The following VAMP7 variants were observed in gnomAD, a reference collection of about 807,000 sequenced individuals.
VAMP7 encodes the protein vesicle associated membrane protein 7.
In VAMP7, 14 loss-of-function variants were observed where a neutral mutation model predicts 29.6. The ratio of observed to expected loss-of-function variants is 0.47; its 90% CI spans 0.31 to 0.74. The LOEUF is 0.74. Ranked by LOEUF, VAMP7 falls within the 30% of genes least tolerant of loss-of-function variation. VAMP7 has a pLI of 0.05. For synonymous variants in VAMP7, 95 were observed against 88.1 expected, an observed-to-expected ratio of 1.08 and a Z score of -0.44; for missense variants, 223 against 262.4, an observed-to-expected ratio of 0.85 and a Z score of 1.04.
At chrX:155,909,995 T>C (rs2066213829) in intron 5 of VAMP7, among the ~76,000 whole-genome samples, 1 of 152,200 alleles carries the variant, frequency 6.6e-6, no homozygotes, top group East Asian at 1.9e-4. Context: ...TAATACACTA[T>C]TGTTAACTTT....
At chrX:155,938,864 A>G (rs370361088) in intron 6 of VAMP7, among the ~76,000 whole-genome samples, 12 of 152,146 alleles carry the variant, frequency 7.9e-5, no homozygotes, top group East Asian at 3.8e-4. Context: ...TCAAGTTTCT[A>G]TTGCTCAAAA....
At chrX:155,912,053 A>G (rs2066244930) in intron 5 of VAMP7, among the ~76,000 whole-genome samples, 1 of 152,026 alleles carries the variant, frequency 6.6e-6, no homozygotes, top group Non-Finnish European at 1.5e-5. Context: ...AGGAGTGGTG[A>G]GAGTTTTCCA....
chrX:155,938,423 G>A (rs2066694217), intron 6 of VAMP7, among the ~76,000 whole-genome samples: 1 of 152,146 alleles, frequency 6.6e-6, no homozygotes, highest in Non-Finnish European at 1.5e-5. Flanking sequence ...TGAATCTATG[G>A]TTAAGGGAGT....
chrX:155,899,797 A>G (rs2066036918), intron 4 of VAMP7, among the ~76,000 whole-genome samples: 1 of 152,070 alleles, frequency 6.6e-6, no homozygotes, highest in African/African-American at 2.4e-5. Flanking sequence ...TGACCTTCTG[A>G]ACAAAATCTC....
At chrX:155,926,996 A>C (rs1239321887) in intron 6 of VAMP7, among the ~76,000 whole-genome samples, 1 of 152,216 alleles carries the variant, frequency 6.6e-6, no homozygotes, top group South Asian at 2.1e-4. Flanking sequence ...ATGGCACCCG[A>C]AAACAATCAC....
chrX:155,899,429 G>A (rs1369961286), intron 4 of VAMP7, among the ~76,000 whole-genome samples: 1 of 151,780 alleles, frequency 6.6e-6, no homozygotes, highest in African/African-American at 2.4e-5. Flanking sequence ...GTATAAAGAC[G>A]TAAGCTCTAG....
At chrX:155,929,503 G>A (rs1462093060) in intron 6 of VAMP7, among the ~76,000 whole-genome samples, 2 of 152,066 alleles carry the variant, frequency 1.3e-5, no homozygotes, top group African/African-American at 2.4e-5. Flanking sequence ...CATGTCTTCT[G>A]GGCCTGATAA....
At chrX:155,913,377 T>C (rs2066265879) in intron 5 of VAMP7, among the ~76,000 whole-genome samples, 1 of 152,202 alleles carries the variant, frequency 6.6e-6, no homozygotes, top group South Asian at 2.1e-4. Flanking sequence ...TTTGCTTTAA[T>C]TAGATCCCAT....
chrX:155,934,071 G>T (rs1268464129), intron 6 of VAMP7, among the ~76,000 whole-genome samples: 2 of 152,180 alleles, frequency 1.3e-5, no homozygotes, highest in East Asian at 3.8e-4. Flanking sequence ...GAGACAGTTT[G>T]TTATAATTTC....
At chrX:155,926,206 G>C (rs370547160) in intron 6 of VAMP7, among the ~76,000 whole-genome samples, 61 of 152,280 alleles carry the variant, frequency 4.0e-4, no homozygotes, top group African/African-American at 1.4e-3. Flanking sequence ...ATCCTTTGAA[G>C]CTTTGAAGCC....
intron 1 of VAMP7, among the ~76,000 whole-genome samples, chrX:155,888,333 AG>A (rs1364777662): frequency 6.6e-6 from 1 of 152,204 alleles, no homozygotes; most frequent in African/African-American, 2.4e-5. Flanking sequence ...TACAGATTCC[AG>A]GGCCCTACCT....
intron 5 of VAMP7, among the ~76,000 whole-genome samples, chrX:155,918,292 C>CA (rs1412163617): frequency 0.017 from 1 of 60 alleles, no homozygotes; most frequent in Admixed American, 0.17. Context: ...TCCCTGGCTT[C>CA]AGCCCCTTTC....
Position 155,898,339 on chromosome X carries a change from A to G in VAMP7, c.342+90A>G, listed in dbSNP as rs766323862. On this transcript the variant is annotated intron_variant, in intron 4 of 7. Coordinates refer to ENST00000286448, the MANE Select transcript of VAMP7 (RefSeq NM_005638.6). Reference sequence around the variant, plus strand: ...AATCTAGGGGGCCCTGACCTGCAATATAGTTTTCTGATTGTGTTACTGTAA... The same window carrying G: ...AATCTAGGGGGCCCTGACCTGCAATGTAGTTTTCTGATTGTGTTACTGTAA... The G allele has an allele frequency of 1.4e-5, 21 of 1,478,774 alleles. No individual in the cohort carries two copies. In the Admixed American group the frequency reaches 2.7e-4, roughly 19 times the overall value. The allele number at this position is 1,478,774 out of a possible 1,614,324, so 91.6% of individuals were successfully genotyped here. A position where few individuals can be genotyped will look rare whatever the true frequency, so the allele number is the denominator to read the frequency against.
chrX:155,903,598 T>C (rs1397175073), intron 5 of VAMP7, among the ~76,000 whole-genome samples: 2 of 151,860 alleles, frequency 1.3e-5, no homozygotes, highest in African/African-American at 4.8e-5. Flanking sequence ...AAAAAACACA[T>C]GAAAAAATGC....
intron 5 of VAMP7, among the ~76,000 whole-genome samples, chrX:155,909,222 T>G (rs2066198127): frequency 6.6e-6 from 1 of 152,208 alleles, no homozygotes; most frequent in Non-Finnish European, 1.5e-5. Context: ...TGTATCTTTC[T>G]AGGAATTTGT....
intron 5 of VAMP7, among the ~76,000 whole-genome samples, chrX:155,912,665 C>T (rs1330636261): frequency 6.6e-6 from 1 of 152,098 alleles, no homozygotes; most frequent in Non-Finnish European, 1.5e-5. Flanking sequence ...CCAGCTTCAT[C>T]CATGTCCCTG....
intron 2 of VAMP7, among the ~76,000 whole-genome samples, chrX:155,892,861 T>C (rs1036567478): frequency 6.6e-6 from 1 of 152,026 alleles, no homozygotes; most frequent in African/African-American, 2.4e-5. Flanking sequence ...CAAGTGATTA[T>C]CCTGCCTCAG....
At position 155,942,750 on chromosome X, in the gene VAMP7, A is replaced by G. The variant is rs1288608151; in HGVS notation, c.*799A>G. ...TTTAGGGCAATCGTGTCGCTAATAGAATATGTAGTAGAGGGGGTGGGGAGG... is the reference window on the plus strand; with the variant it reads ...TTTAGGGCAATCGTGTCGCTAATAGGATATGTAGTAGAGGGGGTGGGGAGG... On this transcript the variant is annotated 3_prime_UTR_variant, in exon 8 of 8. Coordinates refer to ENST00000286448, the MANE Select transcript of VAMP7 (RefSeq NM_005638.6). The G allele has an allele frequency of 1.3e-5, 2 of 153,180 alleles. No individual in the cohort carries two copies. Among genetic ancestry groups the G allele is most frequent in the Non-Finnish European group, 2.9e-5 (2 of 68,786 alleles). The allele number at this position is 153,180 out of a possible 1,614,324, so 9.5% of individuals were successfully genotyped here. A position where few individuals can be genotyped will look rare whatever the true frequency, so the allele number is the denominator to read the frequency against.
At chrX:155,903,490 A>G (rs2066099243) in intron 5 of VAMP7, among the ~76,000 whole-genome samples, 1 of 152,140 alleles carries the variant, frequency 6.6e-6, no homozygotes, top group Non-Finnish European at 1.5e-5. Context: ...ATCTACAATG[A>G]ACTCAAACAA....
Sources: gnomAD v4.1 joint callset for allele counts (sites outside exome capture counted in the v4.1 genomes callset) on GRCh38, gnomAD v4.1.1 for gene constraint, MANE v1.5 for transcripts, NCBI Gene and HGNC (gene_info 2026-07-23, HGNC 2026-07-21) for gene names.